Variants in AMZ2 observed in about 807,000 individuals in gnomAD.
AMZ2 encodes archaelysin family metallopeptidase 2.
AMZ2 carries 26 observed loss-of-function variants against 36.7 expected under a neutral mutation model. That is an observed-to-expected ratio of 0.71 (90% CI 0.52 to 0.98). The LOEUF is 0.98. AMZ2 is among the 50% of genes least tolerant of loss of function. AMZ2 has a pLI of 0.00. For missense variants in AMZ2, 394 were observed against 430.5 expected (o/e 0.92, Z 0.75); for synonymous variants, 144 against 149.1 (o/e 0.97, Z 0.25).
intron 1 of AMZ2, among the ~76,000 whole-genome samples, chr17:68,233,401 C>T (rs367845129): frequency 3.3e-5 from 5 of 150,780 alleles, no homozygotes; most frequent in African/African-American, 4.9e-5. Flanking sequence ...CCCAGCTACT[C>T]GGGAGGCTGA....
intron 1 of AMZ2, among the ~76,000 whole-genome samples, chr17:68,212,378 G>GA (rs111521326): frequency 1.9e-4 from 28 of 150,340 alleles, no homozygotes; most frequent in Middle Eastern, 3.4e-3. Context: ...TTTCAAAGAA[G>GA]AAAAAAAAAT....
intron 1 of AMZ2, among the ~76,000 whole-genome samples, chr17:68,209,460 T>C (rs1394644903): frequency 2.0e-5 from 3 of 151,460 alleles, no homozygotes; most frequent in Non-Finnish European, 4.4e-5. Flanking sequence ...TCCCAAAGTG[T>C]TGGGATTACA....
chr17:68,239,945 T>C (rs2073867585), intron 1 of AMZ2, among the ~76,000 whole-genome samples: 1 of 152,238 alleles, frequency 6.6e-6, no homozygotes, highest in Non-Finnish European at 1.5e-5. Context: ...TTACTATCTA[T>C]AGAGAAATAC....
intron 1 of AMZ2, among the ~76,000 whole-genome samples, chr17:68,210,853 T>C (rs1414223274): frequency 1.4e-5 from 2 of 146,438 alleles, no homozygotes; most frequent in East Asian, 4.1e-4. Context: ...GAGACTGAGG[T>C]AGGAGGATCA....
chr17:68,245,228 G>A (rs1367876134), upstream of AMZ2, among the ~76,000 whole-genome samples: 2 of 148,318 alleles, frequency 1.3e-5, no homozygotes, highest in African/African-American at 4.9e-5. Flanking sequence ...TAACCCCCCC[G>A]AAGCACTAAG....
chr17:68,245,988 C>A (rs1461697017), upstream of AMZ2, among the ~76,000 whole-genome samples: 2 of 152,010 alleles, frequency 1.3e-5, no homozygotes, highest in African/African-American at 4.8e-5. Context: ...CAAAGGAACT[C>A]ATTTGATCCC....
At chr17:68,254,645 TA>T (rs1471071055) in intron 5 of AMZ2, 78 bp downstream of exon 5, 9 of 1,243,666 alleles carry the variant, frequency 7.2e-6, no homozygotes, top group Non-Finnish European at 8.9e-6. Context: ...TGTCAGTCCG[TA>T]AGGTAATATT....
chr17:68,226,812 G>C (rs7208402), intron 1 of AMZ2, among the ~76,000 whole-genome samples: 19,525 of 151,706 alleles, frequency 0.13, 1,544 homozygotes, highest in East Asian at 0.29. Context: ...AATGTACTCT[G>C]TGTGCTGGGT....
intron 1 of AMZ2, among the ~76,000 whole-genome samples, chr17:68,227,568 C>T (rs1555730202): frequency 1.3e-5 from 2 of 152,224 alleles, no homozygotes; most frequent in Non-Finnish European, 2.9e-5. Flanking sequence ...CTTCCAGCTT[C>T]TGGTGGCCAG....
chr17:68,244,978 C>T (rs1555734909), upstream of AMZ2, among the ~76,000 whole-genome samples: 2 of 152,132 alleles, frequency 1.3e-5, no homozygotes, highest in African/African-American at 2.4e-5. Context: ...TAAAACCCTT[C>T]ATCTGCCATA....
intron 4 of AMZ2, among the ~76,000 whole-genome samples, chr17:68,253,043 G>A (rs1381502876): frequency 1.6e-4 from 25 of 152,060 alleles, no homozygotes; most frequent in African/African-American, 5.8e-4. Context: ...TGTTTTCTCC[G>A]AGTTTACAAA....
At chr17:68,227,259 C>G (rs142316801) in intron 1 of AMZ2, among the ~76,000 whole-genome samples, 4 of 152,254 alleles carry the variant, frequency 2.6e-5, no homozygotes, top group African/African-American at 9.6e-5. Flanking sequence ...TTTTCCTCCT[C>G]TGGGAAGTGG....
intron 1 of AMZ2, among the ~76,000 whole-genome samples, chr17:68,220,715 C>G (rs112757069): frequency 0.02 from 3,012 of 151,812 alleles, 104 homozygotes; most frequent in African/African-American, 0.068. Context: ...AATGCTCCAA[C>G]CCTTCAGAGA....
At position 68,250,228 on chromosome 17, in the gene AMZ2, CTCTCA is replaced by C. The variant is rs1568375225; in HGVS notation, c.47_51del (p.Ile16LysfsTer10). On this transcript the variant is annotated frameshift_variant, in exon 2 of 7. Coordinates refer to ENST00000359904, the MANE Select transcript of AMZ2 (RefSeq NM_016627.5). LOFTEE classifies it high-confidence loss of function. ...CACTCCGAACAGACACTAAAAACAG[CTCTCA>C]TCTCAAAGAACCCAGTGCTTGTATC... 1 of 1,614,166 alleles carries C rather than the reference CTCTCA, an allele frequency of 6.2e-7. No individual in the cohort carries two copies. The highest frequency in any genetic ancestry group is 1.7e-5 in the Admixed American group (1 of 60,022).
At chr17:68,238,376 C>T (rs2073833920) in intron 1 of AMZ2, among the ~76,000 whole-genome samples, 1 of 152,078 alleles carries the variant, frequency 6.6e-6, no homozygotes, top group African/African-American at 2.4e-5. Flanking sequence ...TCCCCTCATT[C>T]GAACTTTCTT....
chr17:68,242,839 C>T (rs1370768372), intron 1 of AMZ2, among the ~76,000 whole-genome samples: 1 of 151,556 alleles, frequency 6.6e-6, no homozygotes, highest in Non-Finnish European at 1.5e-5. Flanking sequence ...AGTTCAAAAC[C>T]AAAACAAGCC....
At chr17:68,241,960 G>A (rs1214310485) in intron 1 of AMZ2, among the ~76,000 whole-genome samples, 1 of 150,484 alleles carries the variant, frequency 6.6e-6, no homozygotes, top group Non-Finnish European at 1.5e-5. Flanking sequence ...GGCCAGGCTG[G>A]TCTCAAACTC....
chr17:68,229,473 G>A (rs1487817401), intron 1 of AMZ2, among the ~76,000 whole-genome samples: 1 of 152,218 alleles, frequency 6.6e-6, no homozygotes, highest in Non-Finnish European at 1.5e-5. Context: ...GGAAGGCACA[G>A]ATGCCTAACA....
chr17:68,214,846 C>T (rs1220901099), intron 1 of AMZ2, among the ~76,000 whole-genome samples: 1 of 151,790 alleles, frequency 6.6e-6, no homozygotes, highest in African/African-American at 2.4e-5. Context: ...TGCAGTGGCG[C>T]TATCTTGGCT....
Sources: gnomAD v4.1 joint callset for allele counts (sites outside exome capture counted in the v4.1 genomes callset) on GRCh38, gnomAD v4.1.1 for gene constraint, MANE v1.5 for transcripts, NCBI Gene and HGNC (gene_info 2026-07-23, HGNC 2026-07-21) for gene names.